The following TBC1D5 variants were observed in gnomAD, a reference collection of about 807,000 sequenced individuals.
The protein encoded by TBC1D5 is TBC1 domain family, member 5.
Under a neutral mutation model 100.3 loss-of-function variants are expected in TBC1D5, and 75 were observed. The ratio of observed to expected loss-of-function variants is 0.75; its 90% CI spans 0.62 to 0.91. The LOEUF is 0.91. Among genes scored for constraint, TBC1D5 ranks in the 40% least tolerant of loss-of-function variants. TBC1D5 has a pLI of 0.00. For missense variants in TBC1D5, 910 were observed against 942.4 expected (o/e 0.97, Z 0.45); for synonymous variants, 323 against 325.6 (o/e 0.99, Z 0.09).
chr3:17,674,897 T>C (rs1003171607), intron 1 of TBC1D5, among the ~76,000 whole-genome samples: 2 of 152,092 alleles, frequency 1.3e-5, no homozygotes, highest in Non-Finnish European at 2.9e-5. Context: ...AATTTTATCC[T>C]GAAACTACTC....
At chr3:17,390,038 C>A (rs1162465018) in intron 8 of TBC1D5, among the ~76,000 whole-genome samples, 1 of 152,056 alleles carries the variant, frequency 6.6e-6, no homozygotes, top group African/African-American at 2.4e-5. Context: ...ACATTTGGCT[C>A]ATGGATACTT....
At chr3:17,719,707 C>T (rs536715671) in intron 1 of TBC1D5, among the ~76,000 whole-genome samples, 1 of 152,178 alleles carries the variant, frequency 6.6e-6, no homozygotes, top group African/African-American at 2.4e-5. Flanking sequence ...AATTAGAGGA[C>T]ATAAAACAGA....
chr3:17,352,186 T>C (rs2090687170), intron 13 of TBC1D5, among the ~76,000 whole-genome samples: 1 of 152,170 alleles, frequency 6.6e-6, no homozygotes, highest in South Asian at 2.1e-4. Context: ...TATGTATACA[T>C]ACATCTATTT....
chr3:17,263,441 A>T (rs1254797858), intron 15 of TBC1D5, among the ~76,000 whole-genome samples: 1 of 152,136 alleles, frequency 6.6e-6, no homozygotes, highest in Non-Finnish European at 1.5e-5. Flanking sequence ...GAAATCACAA[A>T]TTCAAATTCA....
chr3:17,249,730 C>G (rs1230710084), intron 16 of TBC1D5, among the ~76,000 whole-genome samples: 1 of 152,166 alleles, frequency 6.6e-6, no homozygotes, highest in East Asian at 1.9e-4. Flanking sequence ...TGGCCTAATA[C>G]AGCCTAATTT....
At chr3:17,579,692 A>T (rs2096680969) in intron 2 of TBC1D5, among the ~76,000 whole-genome samples, 1 of 152,164 alleles carries the variant, frequency 6.6e-6, no homozygotes, top group African/African-American at 2.4e-5. Context: ...ACATCATCCA[A>T]TTTAAAAAGC....
chr3:17,533,379 C>T (rs988600574), intron 2 of TBC1D5, among the ~76,000 whole-genome samples: 1 of 152,160 alleles, frequency 6.6e-6, no homozygotes, highest in Non-Finnish European at 1.5e-5. Flanking sequence ...CTGCCAACTA[C>T]TGAAGTTCCT....
chr3:17,430,340 C>CTT (rs1203712468), intron 3 of TBC1D5, among the ~76,000 whole-genome samples: 2 of 151,622 alleles, frequency 1.3e-5, no homozygotes, highest in Admixed American at 1.3e-4. Context: ...ATAGTTCTTC[C>CTT]TTTAAGGTGA....
chr3:17,502,313 G>C (rs1576389604), intron 3 of TBC1D5, among the ~76,000 whole-genome samples: 1 of 149,708 alleles, frequency 6.7e-6, no homozygotes, highest in South Asian at 2.1e-4. Context: ...CAATGACTTT[G>C]TCCACTGGAC....
At chr3:17,474,525 A>T (rs1008379805) in intron 3 of TBC1D5, among the ~76,000 whole-genome samples, 1 of 152,190 alleles carries the variant, frequency 6.6e-6, no homozygotes, top group Non-Finnish European at 1.5e-5. Context: ...GGAAAAAAAT[A>T]AAGCTGATAT....
intron 13 of TBC1D5, among the ~76,000 whole-genome samples, chr3:17,350,811 C>T (rs1213307093): frequency 3.9e-5 from 6 of 152,004 alleles, no homozygotes; most frequent in African/African-American, 1.5e-4. Context: ...TTTAATTTTG[C>T]TTGGAATAAA....
intron 17 of TBC1D5, among the ~76,000 whole-genome samples, chr3:17,236,169 A>G (rs1236615871): frequency 1.3e-5 from 2 of 152,134 alleles, no homozygotes; most frequent in African/African-American, 4.8e-5. Context: ...ACAAAACTTT[A>G]TATTTCTAGT....
At chr3:17,486,709 CTG>C (rs1332367371) in intron 3 of TBC1D5, among the ~76,000 whole-genome samples, 1 of 152,180 alleles carries the variant, frequency 6.6e-6, no homozygotes, top group African/African-American at 2.4e-5. Flanking sequence ...TAACAGCACA[CTG>C]TGGCATTTTA....
chr3:17,219,945 G>C (rs999894067), intron 17 of TBC1D5, among the ~76,000 whole-genome samples: 1 of 152,092 alleles, frequency 6.6e-6, no homozygotes, highest in African/African-American at 2.4e-5. Context: ...CTCCAAAAGT[G>C]CTTCTCTCTG....
intron 3 of TBC1D5, among the ~76,000 whole-genome samples, chr3:17,481,972 C>T (rs1018617210): frequency 2.0e-5 from 3 of 152,170 alleles, no homozygotes; most frequent in Admixed American, 2.0e-4. Flanking sequence ...AACTCCTGAC[C>T]TCAGATGATC....
At chr3:17,331,543 A>G (rs1178551096) in intron 13 of TBC1D5, among the ~76,000 whole-genome samples, 2 of 152,176 alleles carry the variant, frequency 1.3e-5, no homozygotes, top group Non-Finnish European at 2.9e-5. Flanking sequence ...GAAAAATACA[A>G]TGTGTTCATT....
At chr3:17,166,810 C>CGGCCCT (rs1193268862) in exon 21 of TBC1D5, 21 of 1,613,872 alleles carry the variant, frequency 1.3e-5, no homozygotes, top group South Asian at 2.2e-5. Flanking sequence ...GCCTTGGCCT[C>CGGCCCT]GGCCCTGGCC....
At chr3:17,705,254 C>T (rs2073931594) in intron 1 of TBC1D5, among the ~76,000 whole-genome samples, 1 of 93,538 alleles carries the variant, frequency 1.1e-5, no homozygotes, top group Non-Finnish European at 2.3e-5. Context: ...GGCTGACCCC[C>T]CCACCTCCCT....
rs186416913 is a variant in TBC1D5 at position 17,537,095 on chromosome 3, T to A, written c.-35-28490A>T. 2.6e-3 allele frequency among the ~76,000 whole-genome samples: 389 copies of A among 152,350 alleles called. 1 individual carries two copies. The highest frequency in any genetic ancestry group is 4.1e-3 in the Non-Finnish European group (280 of 68,036). On this transcript the variant is annotated intron_variant, in intron 2 of 21. Coordinates refer to ENST00000253692, the Ensembl canonical transcript of TBC1D5. ...ATGGCTTTGCAGTGCCATTTCAATC[T>A]GATGGCCTTATGGCAGCCTTTTCAA...
Sources: allele counts gnomAD v4.1 joint callset (sites outside exome capture counted in the v4.1 genomes callset), GRCh38; gene constraint gnomAD v4.1.1; transcripts MANE v1.5; gene names NCBI Gene and HGNC (gene_info 2026-07-23, HGNC 2026-07-21).